The following SLC25A12 variants were observed in gnomAD, a reference collection of about 807,000 sequenced individuals.
SLC25A12 encodes the protein electrogenic aspartate/glutamate antiporter SLC25A12, mitochondrial.
In SLC25A12, 32 loss-of-function variants were observed where a neutral mutation model predicts 83.3. The observed-to-expected ratio is 0.38, with a 90% CI of 0.29 to 0.52. SLC25A12 has a LOEUF of 0.52. Ranked by LOEUF, SLC25A12 falls within the 20% of genes least tolerant of loss-of-function variation. SLC25A12 has a pLI of 0.84. For synonymous variants in SLC25A12, 267 were observed against 291.1 expected (o/e 0.92, Z 0.84); for missense variants, 611 against 835.6 (o/e 0.73, Z 3.31).
At chr2:171,854,916 G>A (rs1051478103) in intron 4 of SLC25A12, among the ~76,000 whole-genome samples, 24 of 152,186 alleles carry the variant, frequency 1.6e-4, no homozygotes, top group African/African-American at 5.1e-4. Flanking sequence ...CACTATAAAA[G>A]GGGGCTTAAG....
chr2:171,793,557 G>T, intron 14 of SLC25A12, 70 bp downstream of exon 14: 1 of 1,487,808 alleles, frequency 6.7e-7, no homozygotes, highest in Non-Finnish European at 9.4e-7. Context: ...TTTTCAACTT[G>T]GAGGGAAGAA....
At chr2:171,851,282 C>G (rs1684923743) in intron 4 of SLC25A12, among the ~76,000 whole-genome samples, 1 of 151,872 alleles carries the variant, frequency 6.6e-6, no homozygotes. Context: ...CAACCTCCAC[C>G]TTCTGGTTTC....
At chr2:171,883,392 C>T (rs1409371171) in intron 2 of SLC25A12, among the ~76,000 whole-genome samples, 1 of 152,170 alleles carries the variant, frequency 6.6e-6, no homozygotes, top group African/African-American at 2.4e-5. Flanking sequence ...AGGATTCAAA[C>T]CCAGGTTAGA....
At chr2:171,845,841 G>A (rs1421864282) in intron 4 of SLC25A12, 1 of 455,162 alleles carries the variant, frequency 2.2e-6, no homozygotes, top group East Asian at 7.0e-5. Flanking sequence ...GAAATGGAAT[G>A]CAGGATTCAT....
intron 8 of SLC25A12, among the ~76,000 whole-genome samples, chr2:171,832,240 C>A (rs1684455849): frequency 6.6e-6 from 1 of 152,082 alleles, no homozygotes; most frequent in East Asian, 1.9e-4. Flanking sequence ...TTTGGTTCCC[C>A]AGTATGAAAA....
intron 4 of SLC25A12, among the ~76,000 whole-genome samples, chr2:171,849,556 ATCT>A (rs1293080427): frequency 3.2e-5 from 4 of 124,646 alleles, no homozygotes; most frequent in Admixed American, 1.7e-4. Flanking sequence ...CAGTGGTGTG[ATCT>A]TTTTTTTTTT....
chr2:171,808,059 T>C (rs1253413136), intron 13 of SLC25A12, among the ~76,000 whole-genome samples: 1 of 152,266 alleles, frequency 6.6e-6, no homozygotes, highest in Non-Finnish European at 1.5e-5. Context: ...TAGCCAAGAC[T>C]GTCAGCCAAT....
intron 4 of SLC25A12, chr2:171,845,656 T>C: frequency 3.9e-6 from 1 of 256,772 alleles, no homozygotes; most frequent in Non-Finnish European, 8.0e-6. Context: ...TTTATATACA[T>C]ACACTTTTTC....
intron 9 of SLC25A12, among the ~76,000 whole-genome samples, chr2:171,820,844 T>A (rs913554020): frequency 6.6e-6 from 1 of 151,616 alleles, no homozygotes; most frequent in African/African-American, 2.4e-5. Context: ...AAAATATACA[T>A]CCTCTTCTTT....
At chr2:171,845,672 A>T (rs1684781407) in intron 4 of SLC25A12, 1 of 265,652 alleles carries the variant, frequency 3.8e-6, no homozygotes, top group Admixed American at 4.7e-5. Context: ...TTTTCTTAAT[A>T]AAAGCATTAC....
chr2:171,834,434 T>A, intron 7 of SLC25A12: 1 of 472,272 alleles, frequency 2.1e-6, no homozygotes, highest in East Asian at 4.1e-5. Flanking sequence ...CTTGCTCATC[T>A]TTCTGTGGCA....
rs758479754 is a variant in SLC25A12, at chr2:171,894,186, C to T, written c.12+17G>A. 1.2e-6 allele frequency: 2 copies of T among 1,607,660 alleles called. No individual in the cohort carries two copies. Among genetic ancestry groups the T allele is most frequent in the Non-Finnish European group, 1.7e-6 (2 of 1,177,290 alleles). ...GTCTCTTATGCAATAAAAGCAGCAGCAGAGAGTTGGAGTCACCTTGACCGC... is the reference window on the plus strand; with the variant it reads ...GTCTCTTATGCAATAAAAGCAGCAGTAGAGAGTTGGAGTCACCTTGACCGC... On this transcript the variant is annotated intron_variant, in intron 1 of 17. Coordinates refer to ENST00000422440, the MANE Select transcript of SLC25A12 (RefSeq NM_003705.5).
intron 7 of SLC25A12, chr2:171,834,261 TAAAACAGC>T (rs1310406399): frequency 1.9e-6 from 1 of 538,468 alleles, no homozygotes; most frequent in Non-Finnish European, 3.3e-6. Context: ...GTTAAGATGA[TAAAACAGC>T]AAAACAGATG....
chr2:171,845,797 G>A (rs1303008445), intron 4 of SLC25A12: 1 of 455,156 alleles, frequency 2.2e-6, no homozygotes, highest in African/African-American at 2.0e-5. Context: ...GGCATTGGAT[G>A]TCACTGGGGA....
rs150427497 is a variant in SLC25A12, at chr2:171,890,016, C to A, written c.66+3189G>T. Reference sequence around the variant, plus strand: ...TAAGAAGCCAATCTGATTGCTCTACCACAGGCTATGCATTTGCCTTCACTA... The same window carrying A: ...TAAGAAGCCAATCTGATTGCTCTACAACAGGCTATGCATTTGCCTTCACTA... On this transcript the variant is annotated intron_variant, in intron 2 of 17. Coordinates refer to ENST00000422440, the MANE Select transcript of SLC25A12 (RefSeq NM_003705.5). Among the ~76,000 whole-genome samples, 345 of 152,328 alleles carry A rather than the reference C, an allele frequency of 2.3e-3. 2 individuals carry two copies. Among genetic ancestry groups the A allele is most frequent in the African/African-American group, 8.1e-3 (337 of 41,576 alleles).
chr2:171,846,779 C>G (rs903951202), intron 4 of SLC25A12, among the ~76,000 whole-genome samples: 1 of 152,100 alleles, frequency 6.6e-6, no homozygotes, highest in African/African-American at 2.4e-5. Context: ...GCACTCCAGC[C>G]TGGGTGACAG....
intron 13 of SLC25A12, among the ~76,000 whole-genome samples, chr2:171,794,167 G>A (rs1683549559): frequency 6.6e-6 from 1 of 152,190 alleles, no homozygotes; most frequent in Non-Finnish European, 1.5e-5. Flanking sequence ...ACAAGCCAGA[G>A]CTAAAATTCA....
In SLC25A12 at chr2:171,867,150, T is replaced by G. The variant is rs1365330576; in HGVS notation, c.209+1531A>C. Among the ~76,000 whole-genome samples, 21 of 122,888 alleles carry G rather than the reference T, an allele frequency of 1.7e-4. No individual in the cohort carries two copies. In the South Asian group the frequency reaches 2.8e-3, roughly 17 times the overall value. 80.6% of individuals were successfully genotyped at this position (122,888 alleles called of 152,430 possible). On this transcript the variant is annotated intron_variant, in intron 3 of 17. Coordinates refer to ENST00000422440, the MANE Select transcript of SLC25A12 (RefSeq NM_003705.5). ...CAGAGACGCTCCTCACTTTCCAGAC[T>G]GGGCAGCCAGGCAGAGGGGCTCCTC... is the stretch of plus-strand genomic sequence containing the variant.
intron 8 of SLC25A12, among the ~76,000 whole-genome samples, chr2:171,831,915 A>C (rs1402480260): frequency 1.4e-5 from 2 of 147,002 alleles, no homozygotes; most frequent in Admixed American, 1.4e-4. Context: ...AAAAAAATTA[A>C]AGGGAAAGAA....
Sources: gnomAD v4.1 joint callset for allele counts (sites outside exome capture counted in the v4.1 genomes callset) on GRCh38, gnomAD v4.1.1 for gene constraint, MANE v1.5 for transcripts, NCBI Gene and HGNC (gene_info 2026-07-23, HGNC 2026-07-21) for gene names.